TBXAS1: variants seen among roughly 807,000 people sequenced by gnomAD.
The protein encoded by TBXAS1 is thromboxane A synthase 1.
In TBXAS1, 48 loss-of-function variants were observed where a neutral mutation model predicts 60.7. That is an observed-to-expected ratio of 0.79 (90% CI 0.63 to 1.01). The LOEUF (loss-of-function observed/expected upper bound fraction) is 1.01. TBXAS1 is among the 50% of genes least tolerant of loss of function. The pLI is 0.00. For synonymous variants in TBXAS1, 287 were observed against 269.7 expected (o/e 1.06, Z -0.63); for missense variants, 685 against 686.3 (o/e 1.00, Z 0.02).
chr7:139,817,228 C>G (rs1232624238), intron 4 of TBXAS1, among the ~76,000 whole-genome samples: 1 of 151,862 alleles, frequency 6.6e-6, no homozygotes, highest in Non-Finnish European at 1.5e-5. Context: ...CCCCCATCAG[C>G]TGTCTTTCTC....
intron 4 of TBXAS1, among the ~76,000 whole-genome samples, chr7:139,823,756 T>C (rs976054171): frequency 1.3e-5 from 2 of 152,216 alleles, no homozygotes; most frequent in African/African-American, 4.8e-5. Flanking sequence ...TTGTGTTACA[T>C]GTATGACCTC....
At chr7:139,928,929 G>A (rs1023631221) in intron 4 of TBXAS1, among the ~76,000 whole-genome samples, 2 of 152,208 alleles carry the variant, frequency 1.3e-5, no homozygotes, top group African/African-American at 4.8e-5. Context: ...CTTAGGAGAT[G>A]TTCTCTAAAC....
At chr7:139,807,577 G>C (rs553941350) in intron 4 of TBXAS1, among the ~76,000 whole-genome samples, 4 of 152,094 alleles carry the variant, frequency 2.6e-5, no homozygotes, top group Non-Finnish European at 5.9e-5. Context: ...TAGAGACAGG[G>C]TTTCACCATG....
chr7:139,878,048 TA>T (rs1802380542), intron 3 of TBXAS1, among the ~76,000 whole-genome samples: 1 of 151,812 alleles, frequency 6.6e-6, no homozygotes, highest in East Asian at 1.9e-4. Flanking sequence ...TATTTAAAAA[TA>T]ATTTGTAAAT....
intron 10 of TBXAS1, among the ~76,000 whole-genome samples, chr7:140,009,125 C>T (rs898886874): frequency 1.3e-5 from 2 of 152,208 alleles, no homozygotes; most frequent in African/African-American, 4.8e-5. Context: ...CATGAAAATG[C>T]GGTGGCCGAT....
intron 1 of TBXAS1, among the ~76,000 whole-genome samples, chr7:139,845,000 G>A (rs1254529796): frequency 6.6e-6 from 1 of 152,190 alleles, no homozygotes; most frequent in Non-Finnish European, 1.5e-5. Context: ...AGGCTATGCT[G>A]GGAATCAGCC....
At chr7:139,923,742 CT>C (rs146821675) in intron 4 of TBXAS1, among the ~76,000 whole-genome samples, 12,569 of 152,032 alleles carry the variant, frequency 0.083, 769 homozygotes, top group African/African-American at 0.17. Context: ...GTCTTATTCA[CT>C]TTTTCTATTT....
intron 3 of TBXAS1, among the ~76,000 whole-genome samples, chr7:139,879,609 A>G (rs1185843638): frequency 6.6e-6 from 1 of 152,154 alleles, no homozygotes; most frequent in Admixed American, 6.5e-5. Flanking sequence ...ATATATACCA[A>G]TATTGAATAT....
Position 139,884,777 on chromosome 7 carries a change from C to T in TBXAS1, c.236+9140C>T, listed in dbSNP as rs550824907. 5.3e-5 allele frequency among the ~76,000 whole-genome samples: 8 copies of T among 152,292 alleles called. No individual in the cohort carries two copies. In the South Asian group the frequency reaches 1.7e-3, roughly 32 times the overall value. Reference sequence around the variant, plus strand: ...GCCCCACTAGTGGGTGGTTCAGGAACCTGAGAAGCCCCCGGCCCTGAGAAA... The same window carrying T: ...GCCCCACTAGTGGGTGGTTCAGGAATCTGAGAAGCCCCCGGCCCTGAGAAA... On this transcript the variant is annotated intron_variant, in intron 3 of 12. Coordinates refer to ENST00000448866, the MANE Select transcript of TBXAS1 (RefSeq NM_001061.7).
intron 4 of TBXAS1, among the ~76,000 whole-genome samples, chr7:139,799,172 A>T (rs551177957): frequency 3.4e-5 from 5 of 148,360 alleles, no homozygotes; most frequent in Non-Finnish European, 7.4e-5. Flanking sequence ...GGGCTCAAGC[A>T]GTCCTCTCAC....
intron 3 of TBXAS1, chr7:139,787,273 C>T (rs1797229791): frequency 6.6e-6 from 1 of 152,070 alleles, no homozygotes; most frequent in South Asian, 2.1e-4. Flanking sequence ...ATTCCACTTG[C>T]CCTAGGTGGT....
Position 139,914,214 on chromosome 7 carries a change from T to G in TBXAS1, c.333+2893T>G, listed in dbSNP as rs182750452. 1.3e-3 allele frequency among the ~76,000 whole-genome samples: 203 copies of G among 151,772 alleles called. 1 individual carries two copies. The Middle Eastern group carries it at 0.031, about 23-fold the overall frequency. Reference sequence around the variant, plus strand: ...CTGGCTAATTTTAAAAAAAAAAAATTTGGCAGAGATGGGGGTCTTACTATG... The same window carrying G: ...CTGGCTAATTTTAAAAAAAAAAAATGTGGCAGAGATGGGGGTCTTACTATG... On this transcript the variant is annotated intron_variant, in intron 4 of 12. Transcript: ENST00000448866.
At chr7:139,984,629 A>C (rs1812215392) in intron 9 of TBXAS1, among the ~76,000 whole-genome samples, 1 of 131,808 alleles carries the variant, frequency 7.6e-6, no homozygotes, top group Non-Finnish European at 1.6e-5. Context: ...AGAGAGAGAG[A>C]GAGAGAGAGA....
chr7:139,971,271 AG>A (rs1202426378), intron 9 of TBXAS1, among the ~76,000 whole-genome samples: 1 of 152,112 alleles, frequency 6.6e-6, no homozygotes, highest in Non-Finnish European at 1.5e-5. Context: ...GCCCGTGAAG[AG>A]GGGCCTCTCT....
rs535850549 is a variant in TBXAS1 at position 139,850,739 on chromosome 7, A to T, written c.89+21260A>T. Among the ~76,000 whole-genome samples the T allele has an allele frequency of 1.8e-4, 27 of 152,282 alleles. No individual in the cohort carries two copies. The South Asian group carries it at 5.2e-3, about 29-fold the overall frequency. On this transcript the variant is annotated intron_variant, in intron 1 of 12. Transcript: ENST00000448866. The stretch of plus-strand genomic sequence containing the variant: ...GAGTGAAATTTGGATGCTGAGATGG[A>T]CAGAGGGAGGACGACATGTAGATAT...
chr7:139,814,245 G>C (rs1320721191), intron 4 of TBXAS1, among the ~76,000 whole-genome samples: 1 of 152,174 alleles, frequency 6.6e-6, no homozygotes, highest in Admixed American at 6.5e-5. Flanking sequence ...TTCCACGAAG[G>C]TTTAAAGTGT....
chr7:139,872,328 G>A lies in TBXAS1; in HGVS notation c.183G>A (p.Gln61=), dbSNP rs1468432398. 6.2e-7 allele frequency: 1 copy of A among 1,613,560 alleles called. No individual in the cohort carries two copies. The highest frequency in any genetic ancestry group is 1.7e-5 in the Admixed American group (1 of 60,004). ...PFIGNLTFFR[Q]GFWESQMELR... is the part of the protein sequence containing the mutation. Reference sequence around the variant, plus strand: ...TTGGAAACTTGACATTTTTCCGCCAGGTAAGGGCTGTCTTCCATTGGCTTC... The same window carrying A: ...TTGGAAACTTGACATTTTTCCGCCAAGTAAGGGCTGTCTTCCATTGGCTTC... Residue 61 remains glutamine (Q), a splice_region_variant and synonymous_variant, in exon 2 of 13, where the codon CAG becomes CAA. Coordinates refer to ENST00000448866, the MANE Select transcript of TBXAS1 (RefSeq NM_001061.7).
At chr7:139,986,813 A>G (rs201183011) in intron 9 of TBXAS1, among the ~76,000 whole-genome samples, 22,844 of 90,390 alleles carry the variant, frequency 0.25, 3,109 homozygotes, top group East Asian at 0.6. Context: ...ATATATATAT[A>G]TATACACCAT....
chr7:139,846,522 C>G (rs1799815097), intron 1 of TBXAS1, among the ~76,000 whole-genome samples: 1 of 152,196 alleles, frequency 6.6e-6, no homozygotes, highest in Non-Finnish European at 1.5e-5. Context: ...AACATTAGCT[C>G]TTAGTGTTAT....
Sources: gnomAD v4.1 joint callset for allele counts (sites outside exome capture counted in the v4.1 genomes callset) on GRCh38, gnomAD v4.1.1 for gene constraint, MANE v1.5 for transcripts, NCBI Gene and HGNC (gene_info 2026-07-23, HGNC 2026-07-21) for gene names.